The following AIG1 variants were observed in gnomAD, a reference collection of about 807,000 sequenced individuals.
The protein encoded by AIG1 is androgen induced 1.
In AIG1, 23 loss-of-function variants were observed where a neutral mutation model predicts 31.4. The ratio of observed to expected loss-of-function variants is 0.73; its 90% CI spans 0.53 to 1.04. The LOEUF is 1.04. Ranked by LOEUF, AIG1 falls within the 50% of genes least tolerant of loss-of-function variation. AIG1 has a pLI of 0.00. For synonymous variants in AIG1, 100 were observed against 110.5 expected (o/e 0.90, Z 0.60); for missense variants, 274 against 295.0 (o/e 0.93, Z 0.52).
chr6:143,173,574 A>T (rs1284674871), intron 3 of AIG1, among the ~76,000 whole-genome samples: 1 of 152,098 alleles, frequency 6.6e-6, no homozygotes. Flanking sequence ...AGAGGTTTGG[A>T]TAGGTTGTGT....
At chr6:143,202,102 C>T (rs570930509) in intron 3 of AIG1, among the ~76,000 whole-genome samples, 150 of 152,338 alleles carry the variant, frequency 9.8e-4, no homozygotes, top group Middle Eastern at 6.8e-3. Flanking sequence ...CTTACCAACT[C>T]TCTTATATCG....
chr6:143,094,868 A>T (rs1779613771), intron 1 of AIG1, among the ~76,000 whole-genome samples: 1 of 152,200 alleles, frequency 6.6e-6, no homozygotes, highest in South Asian at 2.1e-4. Context: ...GAAACAAAAA[A>T]GTTTAGAAAA....
chr6:143,163,964 A>C (rs1195369859), intron 2 of AIG1, among the ~76,000 whole-genome samples: 1 of 152,180 alleles, frequency 6.6e-6, no homozygotes, highest in Non-Finnish European at 1.5e-5. Context: ...GCCATGAAAC[A>C]GGAGTCACCT....
At chr6:143,082,283 C>T (rs777559607) in intron 1 of AIG1, among the ~76,000 whole-genome samples, 13 of 152,306 alleles carry the variant, frequency 8.5e-5, no homozygotes, top group South Asian at 2.1e-4. Context: ...AGCCGCCTTT[C>T]GAAGTCCTTT....
intron 3 of AIG1, among the ~76,000 whole-genome samples, chr6:143,270,479 G>C (rs887197108): frequency 6.6e-6 from 1 of 152,218 alleles, no homozygotes; most frequent in Non-Finnish European, 1.5e-5. Context: ...TGTTGAAAGT[G>C]TGTCATTTTC....
rs143107971 is a variant in AIG1 at position 143,216,519 on chromosome 6, G to A, written c.399+51336G>A. ...CTCTGTTACCAGGGAGATTGTACAA[G>A]CTGAATTGATGTTTAGCAGCAGGAC... On this transcript the variant is annotated intron_variant, in intron 3 of 5. Coordinates refer to ENST00000357847, the MANE Select transcript of AIG1 (RefSeq NM_016108.4). 1.3e-3 allele frequency among the ~76,000 whole-genome samples: 191 copies of A among 152,326 alleles called. 1 individual carries two copies. The highest frequency in any genetic ancestry group is 4.3e-3 in the African/African-American group (178 of 41,582).
intron 1 of AIG1, among the ~76,000 whole-genome samples, chr6:143,096,094 G>A (rs188081689): frequency 6.6e-6 from 1 of 151,732 alleles, no homozygotes; most frequent in Non-Finnish European, 1.5e-5. Context: ...TTTTAGTAGA[G>A]ACAGGGTTTC....
At position 143,329,114 on chromosome 6, in the gene AIG1, A is replaced by G. The variant is rs1348113165; in HGVS notation, c.516-4168A>G. On this transcript the variant is annotated intron_variant, in intron 4 of 5. Coordinates refer to ENST00000357847, the MANE Select transcript of AIG1 (RefSeq NM_016108.4). This position sits in a 1 kb window ranked among gnomAD's most constrained non-coding sequence, Gnocchi z 4.9. Reference sequence around the variant, plus strand: ...CACACTGATCCAGGTGAAACCCCAAATAACAGGATTTCTTTATCTGAGATG... The same window carrying G: ...CACACTGATCCAGGTGAAACCCCAAGTAACAGGATTTCTTTATCTGAGATG... Among the ~76,000 whole-genome samples the G allele has an allele frequency of 6.6e-6, 1 of 152,246 alleles. No individual in the cohort carries two copies. Among genetic ancestry groups the G allele is most frequent in the East Asian group, 1.9e-4 (1 of 5,204 alleles).
intron 3 of AIG1, among the ~76,000 whole-genome samples, chr6:143,226,397 G>A (rs952475948): frequency 1.3e-5 from 2 of 151,624 alleles, no homozygotes; most frequent in Non-Finnish European, 2.9e-5. Context: ...GCCCCACCGT[G>A]CCCAGCTAAT....
intron 1 of AIG1, 62 bp downstream of exon 1, chr6:143,061,128 G>T: frequency 6.5e-7 from 1 of 1,548,998 alleles, no homozygotes; most frequent in South Asian, 1.1e-5. Flanking sequence ...GTGTGTGTGT[G>T]TGTGTGTGTG....
chr6:143,061,119 T>TGTGTGTGTGTGTGC (rs1562332805), intron 1 of AIG1, 53 bp downstream of exon 1: 1 of 295,096 alleles, frequency 3.4e-6, no homozygotes, highest in East Asian at 3.6e-4. Flanking sequence ...TGTGTGTGCG[T>TGTGTGTGTGTGTGC]GTGTGTGTGT....
intron 3 of AIG1, among the ~76,000 whole-genome samples, chr6:143,262,274 G>A (rs1003632363): frequency 1.3e-5 from 2 of 152,180 alleles, no homozygotes; most frequent in African/African-American, 4.8e-5. Flanking sequence ...AATACTTCAT[G>A]TTGTTAAAAC....
chr6:143,217,531 C>CA (rs2128620716), intron 3 of AIG1, among the ~76,000 whole-genome samples: 1 of 151,874 alleles, frequency 6.6e-6, no homozygotes, highest in South Asian at 2.1e-4. Flanking sequence ...TTTTTTGAGA[C>CA]AGAGTCTCGC....
intron 4 of AIG1, among the ~76,000 whole-genome samples, chr6:143,304,174 G>A (rs1799063776): frequency 6.6e-6 from 1 of 152,028 alleles, no homozygotes; most frequent in Non-Finnish European, 1.5e-5. Flanking sequence ...TCTACAAACA[G>A]GGACAATTTG....
chr6:143,317,442 A>C (rs1048204576), intron 4 of AIG1, among the ~76,000 whole-genome samples: 1 of 152,162 alleles, frequency 6.6e-6, no homozygotes, highest in Non-Finnish European at 1.5e-5. Flanking sequence ...AAAGCAGTTG[A>C]CAAAATCCAG....
chr6:143,143,692 C>T (rs1456785052), intron 2 of AIG1, among the ~76,000 whole-genome samples: 1 of 151,260 alleles, frequency 6.6e-6, no homozygotes, highest in East Asian at 1.9e-4. Flanking sequence ...TTCTTTTCAC[C>T]TCTGAAGTTA....
Position 143,292,299 on chromosome 6 carries a change from G to T in AIG1, c.515+8074G>T, listed in dbSNP as rs1055121191. On this transcript the variant is annotated intron_variant, in intron 4 of 5. Transcript: ENST00000357847. The surrounding 1 kb of genome is among the most constrained non-coding windows in gnomAD (Gnocchi z 4.9). ...TAAGGTAAGGACCTTGTGATGGACA[G>T]GTTAGCCTGCTTTTGCAGGTGGACC... Among the ~76,000 whole-genome samples, 2 of 152,220 alleles carry T rather than the reference G, an allele frequency of 1.3e-5. No homozygotes were observed. Among genetic ancestry groups the T allele is most frequent in the African/African-American group, 4.8e-5 (2 of 41,458 alleles).
chr6:143,206,331 A>G (rs961180828), intron 3 of AIG1, among the ~76,000 whole-genome samples: 63 of 152,206 alleles, frequency 4.1e-4, no homozygotes, highest in African/African-American at 1.5e-3. Flanking sequence ...TTTAACCATT[A>G]CATTTTCTCT....
chr6:143,251,099 C>T (rs1794977341), intron 3 of AIG1, among the ~76,000 whole-genome samples: 1 of 152,218 alleles, frequency 6.6e-6, no homozygotes, highest in African/African-American at 2.4e-5. Flanking sequence ...GTCACCCAGG[C>T]TGGAGTGCAG....
Sources: gnomAD v4.1 joint callset for allele counts (sites outside exome capture counted in the v4.1 genomes callset) on GRCh38, gnomAD v4.1.1 for gene constraint, Gnocchi (gnomAD v3.1) non-coding constraint, MANE v1.5 for transcripts, NCBI Gene and HGNC (gene_info 2026-07-23, HGNC 2026-07-21) for gene names.